CTNNA2: variants seen among roughly 807,000 people sequenced by gnomAD.
CTNNA2 encodes the protein catenin alpha 2.
Under a neutral mutation model 101.0 loss-of-function variants are expected in CTNNA2, and 42 were observed. The ratio of observed to expected loss-of-function variants is 0.42; its 90% CI spans 0.32 to 0.54. The LOEUF (loss-of-function observed/expected upper bound fraction) is 0.54. Among genes scored for constraint, CTNNA2 ranks in the 20% least tolerant of loss-of-function variants. The pLI is 0.14. For missense variants in CTNNA2, 871 were observed against 1,223.1 expected (o/e 0.71, Z 4.29); for synonymous variants, 450 against 456.4 (o/e 0.99, Z 0.18).
chr2:80,279,836 A>C (rs58666913), intron 7 of CTNNA2, among the ~76,000 whole-genome samples: 9 of 152,032 alleles, frequency 5.9e-5, no homozygotes, highest in African/African-American at 2.2e-4. Context: ...TGATTGTCTC[A>C]CCCTGAGGTG....
At chr2:80,155,411 A>G (rs1197550501) in intron 7 of CTNNA2, among the ~76,000 whole-genome samples, 1 of 152,244 alleles carries the variant, frequency 6.6e-6, no homozygotes, top group African/African-American at 2.4e-5. Flanking sequence ...GAAATACGGG[A>G]AAACAAATGG....
rs796584832 is a variant in CTNNA2, at chr2:79,781,927, C to T, written c.298+37345C>T. 8.6e-4 allele frequency among the ~76,000 whole-genome samples: 125 copies of T among 145,446 alleles called. 1 individual carries two copies. Among genetic ancestry groups the T allele is most frequent in the African/African-American group, 3.1e-3 (122 of 38,902 alleles). ...ACATAAGAACTGTGAAATACTTTCTCTTCTTTATTGTTTACTCAATAATCT... is the reference window on the plus strand; with the variant it reads ...ACATAAGAACTGTGAAATACTTTCTTTTCTTTATTGTTTACTCAATAATCT... On this transcript the variant is annotated intron_variant, in intron 3 of 18. Transcript: ENST00000402739.
chr2:80,023,105 C>T (rs1344168249), intron 7 of CTNNA2, among the ~76,000 whole-genome samples: 1 of 152,204 alleles, frequency 6.6e-6, no homozygotes, highest in African/African-American at 2.4e-5. Flanking sequence ...TCATCCAAAA[C>T]TTTCACTGGA....
intron 2 of CTNNA2, among the ~76,000 whole-genome samples, chr2:79,731,699 G>C (rs146040712): frequency 6.6e-6 from 1 of 152,044 alleles, no homozygotes; most frequent in Non-Finnish European, 1.5e-5. Flanking sequence ...CTGGTTGTCC[G>C]TGAGGTTCAT....
Position 80,604,161 on chromosome 2 carries a change from T to G in CTNNA2, c.2277T>G (p.Ala759=), listed in dbSNP as rs923248150. 2.0e-5 allele frequency: 33 copies of G among 1,612,770 alleles called. No homozygotes were observed. The highest frequency in any genetic ancestry group is 3.3e-5 in the Admixed American group (2 of 59,840). Residue 759 remains alanine (A), a synonymous_variant, in exon 16 of 19, where the codon GCT becomes GCG. Transcript: ENST00000402739. ...CAGGTTCTCGAATGGACAAATTAGC[T>G]CGTGCTGTGGCTGATCAGGTAATAG... is the stretch of plus-strand genomic sequence containing the variant. ...AEAGSRMDKL[A]RAVADQCPDS... is the part of the protein sequence containing the mutation.
intron 12 of CTNNA2, among the ~76,000 whole-genome samples, chr2:80,557,772 T>C (rs1339040135): frequency 6.6e-6 from 1 of 152,178 alleles, no homozygotes; most frequent in African/African-American, 2.4e-5. Context: ...GCAAGGACAA[T>C]TGCTTAGTTG....
At chr2:79,314,536 G>C (rs181572076) in intron 3 of CTNNA2, among the ~76,000 whole-genome samples, 48 of 152,342 alleles carry the variant, frequency 3.2e-4, no homozygotes, top group African/African-American at 9.6e-4. Context: ...GTAGTAATAA[G>C]GCTCAGAGAA....
chr2:79,921,427 G>A (rs1686645597), intron 7 of CTNNA2, among the ~76,000 whole-genome samples: 1 of 152,132 alleles, frequency 6.6e-6, no homozygotes, highest in Non-Finnish European at 1.5e-5. Context: ...GACTCGTGAA[G>A]CTGGATAGTT....
At chr2:80,121,921 A>G (rs1443846548) in intron 7 of CTNNA2, among the ~76,000 whole-genome samples, 2 of 152,192 alleles carry the variant, frequency 1.3e-5, no homozygotes, top group African/African-American at 4.8e-5. Flanking sequence ...AGGGATGACA[A>G]GAATGAAGTG....
At chr2:79,911,839 A>G (rs1370762818) in intron 7 of CTNNA2, among the ~76,000 whole-genome samples, 1 of 152,218 alleles carries the variant, frequency 6.6e-6, no homozygotes, top group Non-Finnish European at 1.5e-5. Flanking sequence ...TGGTGATTTC[A>G]AGGTAGAATT....
intron 6 of CTNNA2, among the ~76,000 whole-genome samples, chr2:79,880,510 A>T (rs1040213506): frequency 2.6e-5 from 4 of 152,132 alleles, no homozygotes; most frequent in African/African-American, 9.7e-5. Context: ...TTATTGGTCT[A>T]TTCCATAACT....
At chr2:79,399,362 T>C (rs1573147189) in intron 4 of CTNNA2, among the ~76,000 whole-genome samples, 1 of 152,150 alleles carries the variant, frequency 6.6e-6, no homozygotes, top group Non-Finnish European at 1.5e-5. Context: ...GACACTAAGC[T>C]CTCATTGCTA....
chr2:79,629,668 G>T (rs1466526989), intron 1 of CTNNA2, among the ~76,000 whole-genome samples: 1 of 152,148 alleles, frequency 6.6e-6, no homozygotes, highest in Non-Finnish European at 1.5e-5. Flanking sequence ...AGGAAGAGTG[G>T]GAGCCAGGTG....
intron 18 of CTNNA2, among the ~76,000 whole-genome samples, chr2:80,640,248 C>T (rs889337405): frequency 1.3e-5 from 2 of 152,090 alleles, no homozygotes; most frequent in Non-Finnish European, 2.9e-5. Context: ...TTGGACAACC[C>T]TGTTAAAATG....
chr2:79,323,454 A>G (rs1212227575), intron 3 of CTNNA2, among the ~76,000 whole-genome samples: 1 of 148,166 alleles, frequency 6.7e-6, no homozygotes, highest in Admixed American at 6.8e-5. Context: ...TTAGAAGATA[A>G]AGGTAAATAA....
intron 7 of CTNNA2, among the ~76,000 whole-genome samples, chr2:80,262,253 A>G (rs1427043114): frequency 1.3e-5 from 2 of 152,216 alleles, no homozygotes; most frequent in South Asian, 2.1e-4. Context: ...CACTCATTTT[A>G]TAATAACTAT....
intron 3 of CTNNA2, among the ~76,000 whole-genome samples, chr2:79,357,930 A>G (rs6749320): frequency 0.77 from 116,632 of 152,064 alleles, 45,027 homozygotes; most frequent in East Asian, 0.96. Flanking sequence ...CTCCTTTGCT[A>G]CAATCCTAAA....
chr2:80,184,227 A>G (rs1705970491), intron 7 of CTNNA2, among the ~76,000 whole-genome samples: 2 of 152,278 alleles, frequency 1.3e-5, no homozygotes, highest in Non-Finnish European at 2.9e-5. Context: ...GTATTTGTAC[A>G]TTCTGTATAT....
chr2:80,396,277 T>C, intron 8 of CTNNA2, among the ~76,000 whole-genome samples: 1 of 152,214 alleles, frequency 6.6e-6, no homozygotes, highest in East Asian at 1.9e-4. Context: ...GAATCCATCT[T>C]GCCAGTCAAA....
Sources: allele counts gnomAD v4.1 joint callset (sites outside exome capture counted in the v4.1 genomes callset), GRCh38; gene constraint gnomAD v4.1.1; transcripts MANE v1.5; gene names NCBI Gene and HGNC (gene_info 2026-07-23, HGNC 2026-07-21).